The following CAND1 variants were observed in gnomAD, a reference collection of about 807,000 sequenced individuals.
The protein encoded by CAND1 is cullin-associated NEDD8-dissociated protein 1.
Under a neutral mutation model 108.5 loss-of-function variants are expected in CAND1, and 7 were observed. The ratio of observed to expected loss-of-function variants is 0.06; its 90% CI spans 0.04 to 0.12. The LOEUF is 0.12. Ranked by LOEUF, CAND1 falls within the 10% of genes least tolerant of loss-of-function variation. CAND1 has a pLI of 1.00. For synonymous variants in CAND1, 534 were observed against 512.0 expected, an observed-to-expected ratio of 1.04 and a Z score of -0.58; for missense variants, 941 against 1,448.7, an observed-to-expected ratio of 0.65 and a Z score of 5.69.
Position 67,306,333 on chromosome 12 carries a change from C to T in CAND1, c.2665C>T (p.Pro889Ser), listed in dbSNP as rs1357366867. 2 of 1,614,132 alleles carry T rather than the reference C, an allele frequency of 1.2e-6. No homozygotes were observed. The change falls in exon 10 of 15, where the codon CCT (proline) becomes TCT (serine). Residue 889 changes from proline (P) to serine (S), a missense_variant. By Grantham distance (74) the Pro-to-Ser change is moderately conservative (BLOSUM62 -1). Transcript: ENST00000545606. ...AGGCAGCATTAGTGTGGGCAACCTT[C>T]CTGAATATCTGCCGTTTGTCCTGCA... The part of the protein sequence containing the change: ...ALGSISVGNL[P>S]EYLPFVLQEI...
intron 7 of CAND1, among the ~76,000 whole-genome samples, chr12:67,302,116 G>GT (rs1394499614): frequency 3.9e-5 from 6 of 152,114 alleles, no homozygotes; most frequent in Non-Finnish European, 1.5e-5. Context: ...CATTATGTTT[G>GT]TTTTTTAAGT....
At chr12:67,283,497 C>T (rs751491456) in intron 2 of CAND1, among the ~76,000 whole-genome samples, 5 of 151,200 alleles carry the variant, frequency 3.3e-5, no homozygotes, top group East Asian at 1.9e-4. Context: ...GCAGCAGAAT[C>T]GCTTGAACCT....
Position 67,282,095 on chromosome 12 carries a change from C to A in CAND1, c.212+42C>A, listed in dbSNP as rs539133825. 80 of 1,600,698 alleles carry A rather than the reference C, an allele frequency of 5.0e-5. No individual in the cohort carries two copies. The South Asian group carries it at 8.8e-4, about 18-fold the overall frequency. On this transcript the variant is annotated intron_variant, in intron 2 of 14. Coordinates refer to ENST00000545606, the MANE Select transcript of CAND1 (RefSeq NM_018448.5). The stretch of plus-strand genomic sequence containing the variant: ...TGGTTGAGTCTTTCTTCCTGCTCCC[C>A]CAACCCTGTTTTTAAAAACTCTATG...
intron 2 of CAND1, among the ~76,000 whole-genome samples, chr12:67,287,213 A>G (rs977976780): frequency 6.6e-6 from 1 of 152,220 alleles, no homozygotes; most frequent in Admixed American, 6.5e-5. Context: ...TGTCTCTTGG[A>G]GAGCAAAAAT....
intron 13 of CAND1, 95 bp from the exon 14 acceptor site, chr12:67,311,598 C>G: frequency 2.2e-6 from 1 of 448,288 alleles, no homozygotes; most frequent in Non-Finnish European, 3.8e-6. Context: ...ACTTTGCATG[C>G]TAGTTATTTT....
Position 67,271,405 on chromosome 12 carries a change from C to T in CAND1, c.68+1620C>T, listed in dbSNP as rs139195471. ...TCCTGTAAAGGTGGTAAATTTCATTCTGATTGTGGTCAATTTCAGTCTGAA... is the reference window on the plus strand; with the variant it reads ...TCCTGTAAAGGTGGTAAATTTCATTTTGATTGTGGTCAATTTCAGTCTGAA... On this transcript the variant is annotated intron_variant, in intron 1 of 14. Coordinates refer to ENST00000545606, the MANE Select transcript of CAND1 (RefSeq NM_018448.5). Among the ~76,000 whole-genome samples the T allele has an allele frequency of 6.1e-4, 93 of 152,246 alleles. 1 individual carries two copies. The highest frequency in any genetic ancestry group is 2.0e-3 in the African/African-American group (85 of 41,528).
chr12:67,276,327 A>G (rs567899951), intron 1 of CAND1, among the ~76,000 whole-genome samples: 83 of 152,270 alleles, frequency 5.5e-4, no homozygotes, highest in Non-Finnish European at 1.1e-3. Context: ...TCTATTTGGT[A>G]TATTTTTTTA....
At chr12:67,311,663 T>C (rs1202005625) in intron 13 of CAND1, 30 bp from the exon 14 acceptor site, 1 of 1,330,594 alleles carries the variant, frequency 7.5e-7, no homozygotes, top group African/African-American at 1.6e-5. Flanking sequence ...TGATGTCAAA[T>C]CTAAATTCTG....
At chr12:67,293,450 A>T (rs2044739830) in intron 3 of CAND1, among the ~76,000 whole-genome samples, 1 of 152,168 alleles carries the variant, frequency 6.6e-6, no homozygotes, top group Non-Finnish European at 1.5e-5. Flanking sequence ...GAAGATTTAG[A>T]TTGGTAATAA....
At chr12:67,280,641 T>A (rs1041152371) in intron 1 of CAND1, among the ~76,000 whole-genome samples, 4 of 152,230 alleles carry the variant, frequency 2.6e-5, no homozygotes, top group African/African-American at 9.6e-5. Context: ...GTCTTAGGGC[T>A]TTATTTGAAT....
At chr12:67,296,406 G>A (rs550486966) in intron 4 of CAND1, among the ~76,000 whole-genome samples, 9 of 152,140 alleles carry the variant, frequency 5.9e-5, no homozygotes, top group Admixed American at 2.0e-4. Flanking sequence ...AATACAGAAA[G>A]TCAGAATACA....
In CAND1 at chr12:67,308,623, CTT is replaced by C. The variant is rs1016307098; in HGVS notation, c.3025+1135_3025+1136del. ...TTGAACATCAGAACCACCTGGGAAA[CTT>C]TTTAAAAATTGAAATTGCTAGTTCA... On this transcript the variant is annotated intron_variant, in intron 11 of 14. Coordinates refer to ENST00000545606, the MANE Select transcript of CAND1 (RefSeq NM_018448.5). Among the ~76,000 whole-genome samples the C allele has an allele frequency of 2.3e-4, 35 of 152,048 alleles. 2 individuals carry two copies. The highest frequency in any genetic ancestry group is 7.9e-4 in the African/African-American group (33 of 41,518).
chr12:67,310,266 G>C lies in CAND1; in HGVS notation c.3310G>C (p.Glu1104Gln). The stretch of plus-strand genomic sequence containing the variant: ...TTGTCTTGATAGACTTGATATCTTT[G>C]AATTTCTAAATCATGTTGAAGATGG... ...DSCLDRLDIF[E>Q]FLNHVEDGLK... is the part of the protein sequence containing the mutation. The change falls in exon 13 of 15, where the codon GAA becomes CAA. Residue 1104 changes from glutamate (E) to glutamine (Q), a missense_variant. This residue lies in a region of CAND1 where 14 missense variants were observed against 16.2 expected (regional missense o/e 0.87). Transcript: ENST00000545606. 4 of 1,611,150 alleles carry C rather than the reference G, an allele frequency of 2.5e-6. No individual in the cohort carries two copies. The highest frequency in any genetic ancestry group is 3.4e-6 in the Non-Finnish European group (4 of 1,177,840).
chr12:67,269,467 G>C lies in CAND1; in HGVS notation c.-251G>C, dbSNP rs2044494281. The C allele has an allele frequency of 4.0e-6, 2 of 505,344 alleles. No individual in the cohort carries two copies. The highest frequency in any genetic ancestry group is 6.9e-6 in the Non-Finnish European group (2 of 290,290). The allele number at this position is 505,344 out of a possible 1,614,324, so 31.3% of individuals were successfully genotyped here. A position where few individuals can be genotyped will look rare whatever the true frequency, so the allele number is the denominator to read the frequency against. On this transcript the variant is annotated 5_prime_UTR_variant, in exon 1 of 15. Coordinates refer to ENST00000545606, the MANE Select transcript of CAND1 (RefSeq NM_018448.5). ...TGTACGCCCCGCCGCCCATGAGCTCGTTCTCACGCGAACAGCGCCGTCGTT... is the reference window on the plus strand; with the variant it reads ...TGTACGCCCCGCCGCCCATGAGCTCCTTCTCACGCGAACAGCGCCGTCGTT...
At chr12:67,301,659 C>A (rs1592619561) in intron 7 of CAND1, among the ~76,000 whole-genome samples, 1 of 152,212 alleles carries the variant, frequency 6.6e-6, no homozygotes, top group East Asian at 1.9e-4. Context: ...GCAGCATTTT[C>A]TTGGTATAAT....
chr12:67,306,614 T>G lies in CAND1; in HGVS notation c.2929+17T>G. ...TGATATCAGGTAGGTATCTAGATTT[T>G]CTTACTTAAAAAGTTTTTTATTGAT... is the stretch of plus-strand genomic sequence containing the variant. On this transcript the variant is annotated intron_variant, in intron 10 of 14. Coordinates refer to ENST00000545606, the MANE Select transcript of CAND1 (RefSeq NM_018448.5). 1 of 1,550,830 alleles carries G rather than the reference T, an allele frequency of 6.4e-7. No homozygotes were observed. The highest frequency in any genetic ancestry group is 8.7e-7 in the Non-Finnish European group (1 of 1,151,898).
At chr12:67,292,901 C>G (rs921417954) in intron 3 of CAND1, 125 bp downstream of exon 3, 1 of 797,508 alleles carries the variant, frequency 1.3e-6, no homozygotes, top group Non-Finnish European at 2.1e-6. Flanking sequence ...ATAGGAATCC[C>G]TTTGGACAAT....
intron 4 of CAND1, among the ~76,000 whole-genome samples, chr12:67,296,987 G>A (rs2044776035): frequency 1.3e-5 from 2 of 151,276 alleles, no homozygotes; most frequent in Non-Finnish European, 2.9e-5. Context: ...TTGTAGAGAT[G>A]AGGTTTTGCC....
chr12:67,298,370 G>T (rs4913538), intron 6 of CAND1, among the ~76,000 whole-genome samples: 73,524 of 152,088 alleles, frequency 0.48, 19,296 homozygotes, highest in Non-Finnish European at 0.59. Context: ...GTAGCATGGT[G>T]TCTTGAGACC....
Sources: allele counts gnomAD v4.1 joint callset (sites outside exome capture counted in the v4.1 genomes callset), GRCh38; gene constraint gnomAD v4.1.1; regional missense constraint gnomAD v4.1.1; transcripts MANE v1.5; gene names NCBI Gene and HGNC (gene_info 2026-07-23, HGNC 2026-07-21).